Variants in PCDHGA1 observed in about 807,000 individuals in gnomAD.
PCDHGA1 encodes protocadherin gamma-A1.
A neutral mutation model predicts 58.0 loss-of-function variants in PCDHGA1; 32 were observed. That is an observed-to-expected ratio of 0.55 (90% CI 0.42 to 0.74). PCDHGA1 has a LOEUF of 0.74. Ranked by LOEUF, PCDHGA1 falls within the 30% of genes least tolerant of loss-of-function variation. The pLI, the probability that PCDHGA1 is intolerant of heterozygous loss-of-function variation, is 0.00. For synonymous variants in PCDHGA1, 498 were observed against 501.1 expected (o/e 0.99, Z 0.08); for missense variants, 1,205 against 1,182.3 (o/e 1.02, Z -0.28).
chr5:141,384,249 C>T (rs886257445), intron 1 of PCDHGA1: 20 of 1,613,790 alleles, frequency 1.2e-5, no homozygotes, highest in Admixed American at 1.7e-5. Flanking sequence ...ATAACCCACC[C>T]ACCTTCCCCC....
At chr5:141,364,193 A>G (rs1588593751) in intron 1 of PCDHGA1, 1 of 1,067,164 alleles carries the variant, frequency 9.4e-7, no homozygotes, top group Non-Finnish European at 1.3e-6. Flanking sequence ...TACTAAACAC[A>G]CAGACCAGAC....
In PCDHGA1 at chr5:141,489,537, C is replaced by T. The variant is rs2099688580; in HGVS notation, c.2422-5270C>T. 6.2e-6 allele frequency: 10 copies of T among 1,614,118 alleles called. No homozygotes were observed. Among genetic ancestry groups the T allele is most frequent in the Non-Finnish European group, 8.5e-6 (10 of 1,180,028 alleles). ...ACCGAGAAAGCCTATGTGGAGCCAG[C>T]ACCAGCTGCCTGCTGCCAGTGCAGG... On this transcript the variant is annotated intron_variant, in intron 1 of 3. Transcript: ENST00000517417. This position sits in a 1 kb window ranked among gnomAD's most constrained non-coding sequence, Gnocchi z 4.5.
chr5:141,418,264 A>C, intron 1 of PCDHGA1: 1 of 1,614,082 alleles, frequency 6.2e-7, no homozygotes, highest in Non-Finnish European at 8.5e-7. Flanking sequence ...AATTCCGGAA[A>C]GATGAAATAA....
chr5:141,408,904 T>C (rs779095615), intron 1 of PCDHGA1: 14 of 1,613,246 alleles, frequency 8.7e-6, no homozygotes, highest in Admixed American at 3.3e-5. Flanking sequence ...CTGTCAAGGA[T>C]ACCAATGATA....
In PCDHGA1 at chr5:141,335,206, A is replaced by T. The variant is rs529329856; in HGVS notation, c.2421+2101A>T. Among the ~76,000 whole-genome samples the T allele has an allele frequency of 2.6e-5, 4 of 152,030 alleles. No individual in the cohort carries two copies. The East Asian group carries it at 5.8e-4, about 22-fold the overall frequency. On this transcript the variant is annotated intron_variant, in intron 1 of 3. Transcript: ENST00000517417. The stretch of plus-strand genomic sequence containing the variant: ...GACTTTCTCAGCTCTTATAATCATA[A>T]TTTTTTTTCTGTGTATATACAAGTG...
chr5:141,418,914 T>C (rs1200050684), intron 1 of PCDHGA1: 4 of 1,613,964 alleles, frequency 2.5e-6, no homozygotes, highest in East Asian at 2.2e-5. Context: ...ATCACGTCAC[T>C]CTCTGATCAG....
chr5:141,349,560 T>C (rs1208077730), intron 1 of PCDHGA1, among the ~76,000 whole-genome samples: 1 of 152,172 alleles, frequency 6.6e-6, no homozygotes, highest in Non-Finnish European at 1.5e-5. Context: ...AATAACATAA[T>C]AGTAAGGCTG....
At chr5:141,366,283 G>A (rs1283624984) in intron 1 of PCDHGA1, 10 of 1,613,592 alleles carry the variant, frequency 6.2e-6, no homozygotes, top group Non-Finnish European at 8.5e-6. Context: ...ACCATGGCCA[G>A]CCCCCTCTGT....
At chr5:141,366,868 T>C in intron 1 of PCDHGA1, 1 of 1,409,530 alleles carries the variant, frequency 7.1e-7, no homozygotes, top group Non-Finnish European at 9.5e-7. Flanking sequence ...ATTTGCTGTA[T>C]TGGAGATTAA....
At chr5:141,469,548 C>A (rs2099204726) in intron 1 of PCDHGA1, among the ~76,000 whole-genome samples, 1 of 152,212 alleles carries the variant, frequency 6.6e-6, no homozygotes, top group East Asian at 1.9e-4. Context: ...GCACTCCAGC[C>A]TGGCGACAGA....
chr5:141,382,218 T>C (rs188591705), intron 1 of PCDHGA1, among the ~76,000 whole-genome samples: 1 of 152,328 alleles, frequency 6.6e-6, no homozygotes, highest in East Asian at 1.9e-4. Flanking sequence ...TAGGTCTATA[T>C]ATTTTACAAC....
In PCDHGA1 at chr5:141,415,739, GGTTTTT is replaced by G; in HGVS notation, c.2422-79067_2422-79062del. On this transcript the variant is annotated intron_variant, in intron 1 of 3. Coordinates refer to ENST00000517417, the MANE Select transcript of PCDHGA1 (RefSeq NM_018912.3). ...ATGAGTAGAATTTGATGTTTATTAA[GGTTTTT>G]TTTTTTTTTTTTTTTTTTTTTTTTT... is the stretch of plus-strand genomic sequence containing the variant. 1.4e-4 allele frequency: 59 copies of G among 434,890 alleles called. 1 individual carries two copies. The African/African-American group carries it at 1.6e-3, about 12-fold the overall frequency. The allele number at this position is 434,890 out of a possible 1,614,324, so 26.9% of individuals were successfully genotyped here.
intron 1 of PCDHGA1, among the ~76,000 whole-genome samples, chr5:141,382,053 TC>T (rs1158430534): frequency 6.6e-6 from 1 of 151,934 alleles, no homozygotes; most frequent in Non-Finnish European, 1.5e-5. Flanking sequence ...GGTCTCAAGC[TC>T]CCGACCTCAG....
In PCDHGA1 at chr5:141,332,226, G is replaced by C. The variant is rs1267181146; in HGVS notation, c.1542G>C (p.Leu514=). 1 of 1,614,230 alleles carries C rather than the reference G, an allele frequency of 6.2e-7. No homozygotes were observed. Among genetic ancestry groups the C allele is most frequent in the Non-Finnish European group, 8.5e-7 (1 of 1,180,046 alleles). Residue 514 remains leucine, a synonymous_variant, in exon 1 of 4, where the codon CTG becomes CTC. Transcript: ENST00000517417. The surrounding 1 kb of genome is among the most constrained non-coding windows in gnomAD (Gnocchi z 4.6). ...CCATCAACTCCGACACTGGGGTCCT[G>C]TATGCGCTGCGATCCTTCGACTATG... ...YLSINSDTGV[L]YALRSFDYEQ...
At chr5:141,372,619 C>T in intron 1 of PCDHGA1, 1 of 1,613,968 alleles carries the variant, frequency 6.2e-7, no homozygotes, top group African/African-American at 1.3e-5. Flanking sequence ...GTTCTCCCCA[C>T]CTACAGCGAA....
intron 1 of PCDHGA1, chr5:141,399,959 G>T (rs1257286209): frequency 6.2e-7 from 1 of 1,612,230 alleles, no homozygotes; most frequent in East Asian, 2.2e-5. Context: ...AGCGAGCCCG[G>T]GCTCTTCAGC....
chr5:141,457,337 TTAC>T (rs1446765287), intron 1 of PCDHGA1, among the ~76,000 whole-genome samples: 2 of 152,202 alleles, frequency 1.3e-5, no homozygotes, highest in Non-Finnish European at 2.9e-5. Flanking sequence ...GGTACCTTAC[TTAC>T]TTTCATTACC....
intron 1 of PCDHGA1, chr5:141,418,597 G>A (rs2096274061): frequency 3.7e-6 from 6 of 1,614,052 alleles, no homozygotes; most frequent in Non-Finnish European, 5.1e-6. Flanking sequence ...GCCAGGACGT[G>A]TACAGGGTTA....
At chr5:141,345,376 A>T (rs1554072965) in intron 1 of PCDHGA1, 1 of 1,613,246 alleles carries the variant, frequency 6.2e-7, no homozygotes, top group Non-Finnish European at 8.5e-7. Context: ...ATCAATGACA[A>T]CCCACCCACC....
Sources: allele counts gnomAD v4.1 joint callset (sites outside exome capture counted in the v4.1 genomes callset), GRCh38; gene constraint gnomAD v4.1.1; non-coding constraint Gnocchi (gnomAD v3.1); transcripts MANE v1.5; gene names NCBI Gene and HGNC (gene_info 2026-07-23, HGNC 2026-07-21).